The following ZBTB7C variants were observed in gnomAD, a reference collection of about 807,000 sequenced individuals.
ZBTB7C encodes zinc finger and BTB domain-containing protein 7C.
A neutral mutation model predicts 25.7 loss-of-function variants in ZBTB7C; 8 were observed. The observed-to-expected ratio is 0.31, with a 90% CI of 0.18 to 0.56. The LOEUF (loss-of-function observed/expected upper bound fraction) is 0.56. ZBTB7C is among the 20% of genes least tolerant of loss of function. The pLI is 0.91. For missense variants in ZBTB7C, 824 were observed against 855.2 expected (o/e 0.96, Z 0.46); for synonymous variants, 394 against 369.0 (o/e 1.07, Z -0.78).
At chr18:48,050,632 C>G (rs1026305490) in intron 3 of ZBTB7C, among the ~76,000 whole-genome samples, 11 of 152,174 alleles carry the variant, frequency 7.2e-5, no homozygotes, top group Non-Finnish European at 1.5e-4. Flanking sequence ...TTGTGCACCC[C>G]CTCCTCTTTC....
intron 3 of ZBTB7C, among the ~76,000 whole-genome samples, chr18:48,177,122 G>A (rs1482564670): frequency 6.6e-6 from 1 of 152,258 alleles, no homozygotes; most frequent in African/African-American, 2.4e-5. Context: ...ACAGAGCTGA[G>A]AGCTGTCTAC....
At chr18:48,284,297 G>C (rs1033595044) in intron 2 of ZBTB7C, among the ~76,000 whole-genome samples, 2 of 152,238 alleles carry the variant, frequency 1.3e-5, no homozygotes, top group South Asian at 4.2e-4. Flanking sequence ...AAATTAGCCT[G>C]GCACGGTAGG....
intron 2 of ZBTB7C, among the ~76,000 whole-genome samples, chr18:48,316,812 C>T (rs1176775410): frequency 6.6e-6 from 1 of 152,196 alleles, no homozygotes; most frequent in East Asian, 1.9e-4. Flanking sequence ...ATAGAACTAA[C>T]ACAGGAGGCA....
At chr18:48,117,280 T>C (rs2039473270) in intron 3 of ZBTB7C, among the ~76,000 whole-genome samples, 1 of 152,228 alleles carries the variant, frequency 6.6e-6, no homozygotes, top group Non-Finnish European at 1.5e-5. Context: ...GGAGGCAGGA[T>C]AGACTAGAAT....
chr18:48,214,558 A>G (rs1488627815), intron 2 of ZBTB7C, among the ~76,000 whole-genome samples: 2 of 152,238 alleles, frequency 1.3e-5, no homozygotes, highest in African/African-American at 2.4e-5. Flanking sequence ...GGCCACCCTC[A>G]TTGCTCATTA....
chr18:48,107,092 GGAGA>G (rs2039057159), intron 3 of ZBTB7C, among the ~76,000 whole-genome samples: 1 of 150,904 alleles, frequency 6.6e-6, no homozygotes, highest in African/African-American at 2.4e-5. Context: ...AGGGAGGAAA[GGAGA>G]GAGGGGAGGA....
intron 1 of ZBTB7C, among the ~76,000 whole-genome samples, chr18:48,405,963 A>G (rs866188117): frequency 2.5e-4 from 38 of 152,110 alleles, no homozygotes; most frequent in African/African-American, 8.2e-4. Context: ...GCTGGGGTTC[A>G]CTCCAGTACC....
chr18:48,174,971 CATATCTCCAACTATACCTTTCTGT>C (rs1196322702), intron 3 of ZBTB7C, among the ~76,000 whole-genome samples: 5 of 152,166 alleles, frequency 3.3e-5, no homozygotes, highest in Non-Finnish European at 5.9e-5. Flanking sequence ...AGGAGAGTGA[CATATCTCCAACTATACCTTTCTGT>C]ATATCTCCAA....
At chr18:48,226,622 G>A (rs116280279) in intron 2 of ZBTB7C, among the ~76,000 whole-genome samples, 1,555 of 152,372 alleles carry the variant, frequency 0.01, 25 homozygotes, top group African/African-American at 0.033. Flanking sequence ...ACCTCCAGGT[G>A]TCACATGAGG....
intron 3 of ZBTB7C, among the ~76,000 whole-genome samples, chr18:48,090,080 C>G (rs1266492550): frequency 1.3e-5 from 2 of 152,240 alleles, no homozygotes; most frequent in African/African-American, 4.8e-5. Context: ...AGGAAGGTTC[C>G]CATAAGGTGG....
At chr18:48,116,306 T>C (rs1212425149) in intron 3 of ZBTB7C, among the ~76,000 whole-genome samples, 2 of 152,192 alleles carry the variant, frequency 1.3e-5, no homozygotes, top group African/African-American at 2.4e-5. Context: ...AACTTATCTT[T>C]GGACTCCAGT....
At chr18:48,078,971 C>G (rs897611192) in intron 3 of ZBTB7C, among the ~76,000 whole-genome samples, 3 of 152,158 alleles carry the variant, frequency 2.0e-5, no homozygotes, top group South Asian at 4.1e-4. Flanking sequence ...GATAGACATT[C>G]GGTTTAGTTT....
At chr18:48,269,681 T>C (rs991131817) in intron 2 of ZBTB7C, among the ~76,000 whole-genome samples, 1 of 152,164 alleles carries the variant, frequency 6.6e-6, no homozygotes, top group Non-Finnish European at 1.5e-5. Flanking sequence ...CAAGAATACC[T>C]GAGATTATAG....
intron 2 of ZBTB7C, among the ~76,000 whole-genome samples, chr18:48,313,606 A>T (rs1373491258): frequency 6.6e-6 from 1 of 152,168 alleles, no homozygotes; most frequent in Non-Finnish European, 1.5e-5. Context: ...AGAAATGTAG[A>T]GTCTCTGCCC....
At chr18:48,257,570 C>T (rs1244188401) in intron 2 of ZBTB7C, among the ~76,000 whole-genome samples, 1 of 151,926 alleles carries the variant, frequency 6.6e-6, no homozygotes, top group African/African-American at 2.4e-5. Flanking sequence ...GGAGCATTAC[C>T]CTGATACCAA....
rs187108082 is a variant in ZBTB7C at position 48,289,341 on chromosome 18, C to A, written c.-79+48833G>T. On this transcript the variant is annotated intron_variant, in intron 2 of 4. Coordinates refer to ENST00000590800, the MANE Select transcript of ZBTB7C (RefSeq NM_001318841.2). ...TCTCAGAGTTGTAACACAAAAGAAT[C>A]AGACACAATCTAAATGCCCATCAGC... Among the ~76,000 whole-genome samples, 209 of 152,198 alleles carry A rather than the reference C, an allele frequency of 1.4e-3. 2 individuals are homozygous for A. The highest frequency in any genetic ancestry group is 0.012 in the Admixed American group (185 of 15,288).
At chr18:48,184,631 T>A (rs1363842133) in intron 3 of ZBTB7C, among the ~76,000 whole-genome samples, 1 of 152,218 alleles carries the variant, frequency 6.6e-6, no homozygotes, top group South Asian at 2.1e-4. Context: ...TAAATAAATA[T>A]ATCCCAGCTG....
intron 3 of ZBTB7C, among the ~76,000 whole-genome samples, chr18:48,053,237 A>G (rs949360339): frequency 6.6e-6 from 1 of 152,140 alleles, no homozygotes; most frequent in African/African-American, 2.4e-5. Context: ...ATGGGCATGG[A>G]GTTGGGAGCG....
At position 48,367,202 on chromosome 18, in the gene ZBTB7C, T is replaced by TATATAC. The variant is rs1302394192; in HGVS notation, c.-303-28805_-303-28804insGTATAT. Among the ~76,000 whole-genome samples, 208 of 63,264 alleles carry TATATAC rather than the reference T, an allele frequency of 3.3e-3. 2 individuals carry two copies. The highest frequency in any genetic ancestry group is 0.011 in the Middle Eastern group (1 of 92). The allele number at this position is 63,264 out of a possible 152,430, so 41.5% of individuals were successfully genotyped here. On this transcript the variant is annotated intron_variant, in intron 1 of 4. Transcript: ENST00000590800. ...ATATATATATATATATATATATATA[T>TATATAC]ACACACACACACACACACACACACA...
Sources: allele counts gnomAD v4.1 joint callset (sites outside exome capture counted in the v4.1 genomes callset), GRCh38; gene constraint gnomAD v4.1.1; transcripts MANE v1.5; gene names NCBI Gene and HGNC (gene_info 2026-07-23, HGNC 2026-07-21).